The following SLX4IP variants were observed in gnomAD, a reference collection of about 807,000 sequenced individuals.
SLX4IP encodes SLX4 interacting protein.
SLX4IP carries 34 observed loss-of-function variants against 32.9 expected under a neutral mutation model. The ratio of observed to expected loss-of-function variants is 1.03; its 90% CI spans 0.79 to 1.38. The LOEUF is 1.38. Ranked by LOEUF, SLX4IP falls within the 40% of genes most tolerant of loss-of-function variation. SLX4IP has a pLI of 0.00. For missense variants in SLX4IP, 444 were observed against 479.0 expected, an observed-to-expected ratio of 0.93 and a Z score of 0.68; for synonymous variants, 172 against 171.7, an observed-to-expected ratio of 1.00 and a Z score of -0.01.
Position 10,622,874 on chromosome 20 carries a change from A to G in SLX4IP, c.722A>G (p.Glu241Gly). Residue 241 changes from glutamate to glycine, a missense_variant, in exon 8 of 8, where the codon GAA (glutamate) becomes GGA (glycine). Coordinates refer to ENST00000334534, the MANE Select transcript of SLX4IP (RefSeq NM_001009608.3). ...TGGGGGCTTCCTGTTCAAAAGCTGG[A>G]AAAAGTTAATCAGACCCAGCCAGAA... ...SHWGLPVQKL[E>G]KVNQTQPEDT... The G allele has an allele frequency of 6.2e-7, 1 of 1,614,084 alleles. No homozygotes were observed. The highest frequency in any genetic ancestry group is 8.5e-7 in the Non-Finnish European group (1 of 1,180,000).
At chr20:10,533,342 G>A (rs1245891276) in intron 2 of SLX4IP, among the ~76,000 whole-genome samples, 8 of 151,342 alleles carry the variant, frequency 5.3e-5, no homozygotes, top group East Asian at 2.0e-4. Flanking sequence ...TTGCTCTGTC[G>A]CCCAGGCTGC....
chr20:10,556,803 G>A (rs191600125), intron 3 of SLX4IP, among the ~76,000 whole-genome samples: 5 of 152,280 alleles, frequency 3.3e-5, no homozygotes, highest in African/African-American at 9.6e-5. Context: ...AATACTTGAC[G>A]GTGTTCCTTC....
chr20:10,561,193 AT>A (rs1259501517), intron 4 of SLX4IP, among the ~76,000 whole-genome samples: 1 of 152,204 alleles, frequency 6.6e-6, no homozygotes, highest in Non-Finnish European at 1.5e-5. Flanking sequence ...AGTAATTAGC[AT>A]ATCTATCACC....
At chr20:10,486,279 A>G (rs1473658622) in intron 2 of SLX4IP, among the ~76,000 whole-genome samples, 2 of 151,732 alleles carry the variant, frequency 1.3e-5, no homozygotes, top group Non-Finnish European at 2.9e-5. Flanking sequence ...AATTGAGGGC[A>G]TGTTATATGC....
chr20:10,489,705 C>T (rs574543519), intron 2 of SLX4IP, among the ~76,000 whole-genome samples: 4 of 152,194 alleles, frequency 2.6e-5, no homozygotes, highest in Non-Finnish European at 5.9e-5. Flanking sequence ...AGTGGGATTA[C>T]CCATGGTGAC....
intron 2 of SLX4IP, among the ~76,000 whole-genome samples, 186 bp downstream of exon 2, chr20:10,458,417 A>G (rs1164661998): frequency 6.6e-6 from 1 of 151,994 alleles, no homozygotes. Flanking sequence ...GGTTTGTTAC[A>G]TAGGTAAACA....
intron 1 of SLX4IP, among the ~76,000 whole-genome samples, chr20:10,447,704 G>C (rs1375919119): frequency 6.6e-6 from 1 of 150,912 alleles, no homozygotes; most frequent in Non-Finnish European, 1.5e-5. Flanking sequence ...TTCTTCTTTA[G>C]TTTTTGTTTT....
chr20:10,522,836 C>T (rs1310791290), intron 2 of SLX4IP, among the ~76,000 whole-genome samples: 1 of 152,218 alleles, frequency 6.6e-6, no homozygotes, highest in African/African-American at 2.4e-5. Context: ...ATGGCACAGC[C>T]TGTTGCTGAG....
At chr20:10,576,604 C>T (rs693974) in intron 4 of SLX4IP, among the ~76,000 whole-genome samples, 85,387 of 151,942 alleles carry the variant, frequency 0.56, 24,376 homozygotes, top group South Asian at 0.73. Flanking sequence ...TCCACATGAT[C>T]TCACGCATAA....
intron 1 of SLX4IP, among the ~76,000 whole-genome samples, chr20:10,449,191 G>A (rs1005730180): frequency 6.6e-6 from 1 of 152,176 alleles, no homozygotes; most frequent in Admixed American, 6.5e-5. Context: ...GCAAGCTCAA[G>A]GTCTATGCAA....
chr20:10,613,615 T>G, intron 6 of SLX4IP: 13 of 1,613,790 alleles, frequency 8.1e-6, no homozygotes, highest in African/African-American at 1.3e-5. Context: ...TTTCTGCTCA[T>G]TTCTGCTTCT....
intron 2 of SLX4IP, among the ~76,000 whole-genome samples, chr20:10,503,694 C>T (rs635399): frequency 0.57 from 87,115 of 152,004 alleles, 25,591 homozygotes; most frequent in South Asian, 0.72. Context: ...GTCTGGATGC[C>T]AGAAGTCTGA....
chr20:10,456,963 T>C (rs1343932901), intron 1 of SLX4IP, among the ~76,000 whole-genome samples: 1 of 152,204 alleles, frequency 6.6e-6, no homozygotes, highest in Non-Finnish European at 1.5e-5. Flanking sequence ...TATTCCTAAG[T>C]ATTCTTTTTC....
At chr20:10,444,090 A>G (rs1460547189) in intron 1 of SLX4IP, among the ~76,000 whole-genome samples, 1 of 152,136 alleles carries the variant, frequency 6.6e-6, no homozygotes, top group Non-Finnish European at 1.5e-5. Flanking sequence ...ATGCTGTGGG[A>G]AATCCCAGTG....
intron 6 of SLX4IP, among the ~76,000 whole-genome samples, chr20:10,620,837 G>A (rs1232838677): frequency 2.6e-5 from 4 of 152,202 alleles, no homozygotes; most frequent in Non-Finnish European, 5.9e-5. Flanking sequence ...TTACAGGCGT[G>A]AGCCACTGCA....
At chr20:10,598,796 T>C (rs1051065330) in intron 5 of SLX4IP, 44 bp downstream of exon 5, 9 of 1,578,278 alleles carry the variant, frequency 5.7e-6, no homozygotes, top group Non-Finnish European at 7.0e-6. Context: ...TCACACAATC[T>C]GCTTGCCCTA....
chr20:10,557,973 C>T lies in SLX4IP; in HGVS notation c.117+1653C>T, dbSNP rs550799033. Among the ~76,000 whole-genome samples, 15 of 152,262 alleles carry T rather than the reference C, an allele frequency of 9.9e-5. No homozygotes were observed. The South Asian group carries it at 1.9e-3, about 19-fold the overall frequency. On this transcript the variant is annotated intron_variant, in intron 3 of 7. Coordinates refer to ENST00000334534, the MANE Select transcript of SLX4IP (RefSeq NM_001009608.3). ...GCACTGGCAGCTGCAAGGGGCAGGTCGCTGTAGCAGGCTGAGCTTGCCTCT... is the reference window on the plus strand; with the variant it reads ...GCACTGGCAGCTGCAAGGGGCAGGTTGCTGTAGCAGGCTGAGCTTGCCTCT...
chr20:10,567,335 A>G (rs1343256812), intron 4 of SLX4IP, among the ~76,000 whole-genome samples: 1 of 152,212 alleles, frequency 6.6e-6, no homozygotes, highest in Non-Finnish European at 1.5e-5. Flanking sequence ...AAGTATTTGC[A>G]TATGAAGGCA....
At position 10,589,607 on chromosome 20, in the gene SLX4IP, C is replaced by A. The variant is rs567222669; in HGVS notation, c.239-9068C>A. On this transcript the variant is annotated intron_variant, in intron 4 of 7. Coordinates refer to ENST00000334534, the MANE Select transcript of SLX4IP (RefSeq NM_001009608.3). ...CTGGCAACCAGGGATCAGTGGGGAT[C>A]TTCTGTTGAATACTCAATTTATTAT... Among the ~76,000 whole-genome samples the A allele has an allele frequency of 2.0e-5, 3 of 152,218 alleles. No homozygotes were observed. In the South Asian group the frequency reaches 6.2e-4, roughly 32 times the overall value.
Sources: gnomAD v4.1 joint callset for allele counts (sites outside exome capture counted in the v4.1 genomes callset) on GRCh38, gnomAD v4.1.1 for gene constraint, MANE v1.5 for transcripts, NCBI Gene and HGNC (gene_info 2026-07-23, HGNC 2026-07-21) for gene names.